The following KCNAB3 variants were observed in gnomAD, a reference collection of about 807,000 sequenced individuals.
KCNAB3 encodes the protein voltage-gated potassium channel subunit beta-3.
In KCNAB3, 62 loss-of-function variants were observed where a neutral mutation model predicts 67.7. The observed-to-expected ratio is 0.92, with a 90% CI of 0.75 to 1.13. KCNAB3 has a LOEUF of 1.13. KCNAB3 is among the 50% of genes most tolerant of loss of function. The pLI is 0.00. For synonymous variants in KCNAB3, 212 were observed against 205.4 expected, an observed-to-expected ratio of 1.03 and a Z score of -0.27; for missense variants, 514 against 522.9, an observed-to-expected ratio of 0.98 and a Z score of 0.17.
chr17:7,924,361 G>A (rs1021351066), intron 9 of KCNAB3, 54 bp downstream of exon 9: 7 of 1,607,438 alleles, frequency 4.4e-6, no homozygotes, highest in African/African-American at 2.7e-5. Flanking sequence ...GAGTAACCAC[G>A]TGAAAAGTGG....
Position 7,929,542 on chromosome 17 carries a change from C to A in KCNAB3, c.-107G>T. The A allele has an allele frequency of 6.6e-7, 1 of 1,511,124 alleles. No individual in the cohort carries two copies. The highest frequency in any genetic ancestry group is 8.8e-7 in the Non-Finnish European group (1 of 1,134,554). The allele number at this position is 1,511,124 out of a possible 1,614,324, so 93.6% of individuals were successfully genotyped here. On this transcript the variant is annotated 5_prime_UTR_variant, in exon 1 of 14. Transcript: ENST00000303790. The surrounding 1 kb of genome is among the most constrained non-coding windows in gnomAD (Gnocchi z 5.7). Reference sequence around the variant, plus strand: ...CGTAGTGGGGCGAACCCCGGCAGAGCGGGAAGGCTGAGGAGGCTGCGGCGG... The same window carrying A: ...CGTAGTGGGGCGAACCCCGGCAGAGAGGGAAGGCTGAGGAGGCTGCGGCGG...
rs758514145 is a variant in KCNAB3 at position 7,923,116 on chromosome 17, G to A, written c.1201C>T (p.His401Tyr). 6 of 1,614,050 alleles carry A rather than the reference G, an allele frequency of 3.7e-6. No individual in the cohort carries two copies. The South Asian group carries it at 6.6e-5, about 18-fold the overall frequency. Reference sequence around the variant, plus strand: ...CCCGCGACAGACTACTTCTTGGAATGCGGCTTGTTTCCCAGGAGCCCGTCT... The same window carrying A: ...CCCGCGACAGACTACTTCTTGGAATACGGCTTGTTTCCCAGGAGCCCGTCT... Reference protein sequence around the residue: ...EIDGLLGNKPHSKK With the variant: ...EIDGLLGNKPYSKK The change falls in exon 14 of 14, where the codon CAT (histidine) becomes TAT (tyrosine). Residue 401 changes from histidine (H) to tyrosine (Y), a missense_variant. By Grantham distance (83) the His-to-Tyr change is moderately conservative (BLOSUM62 2). Transcript: ENST00000303790.
At chr17:7,926,728 A>G (rs557472740) in intron 4 of KCNAB3, among the ~76,000 whole-genome samples, 1 of 152,124 alleles carries the variant, frequency 6.6e-6, no homozygotes, top group East Asian at 1.9e-4. Flanking sequence ...TTTCGCAGAC[A>G]TGTTGATTCT....
intron 1 of KCNAB3, among the ~76,000 whole-genome samples, chr17:7,928,801 C>A (rs939070817): frequency 6.6e-6 from 1 of 152,178 alleles, no homozygotes; most frequent in Non-Finnish European, 1.5e-5. Context: ...TCAGGCACCC[C>A]GAGCAGGCCA....
At position 7,927,366 on chromosome 17, in the gene KCNAB3, C is replaced by T. The variant is rs770459366; in HGVS notation, c.382G>A (p.Ala128Thr). The T allele has an allele frequency of 1.5e-5, 24 of 1,613,818 alleles. No individual in the cohort carries two copies. The highest frequency in any genetic ancestry group is 1.7e-4 in the Middle Eastern group (1 of 6,056). ...YEHGVNLFDT[A>T]EVYAAGKAER... ...TACTTTCCTGCTGCGTACACTTCGG[C>T]GGTGTCAAACAGGTTTACACCATGC... The change falls in exon 4 of 14, where the codon GCC (alanine) becomes ACC (threonine). Residue 128 changes from alanine (A) to threonine (T), a missense_variant. Physicochemically the swap from Ala to Thr is moderately conservative, Grantham distance 58 (BLOSUM62 0). Transcript: ENST00000303790.
chr17:7,929,064 CAGAA>C lies in KCNAB3; in HGVS notation c.242+126_242+129del, dbSNP rs1319750678. ...GGACAAAGTGAGGGAGTGCCAGAGA[CAGAA>C]AGAAGAGATGGAAAGAAGGGAGACC... On this transcript the variant is annotated intron_variant, in intron 1 of 13. Coordinates refer to ENST00000303790, the MANE Select transcript of KCNAB3 (RefSeq NM_004732.4). The surrounding 1 kb of genome is among the most constrained non-coding windows in gnomAD (Gnocchi z 5.7). The C allele has an allele frequency of 7.3e-6, 10 of 1,373,540 alleles. No homozygotes were observed. The highest frequency in any genetic ancestry group is 1.9e-4 in the Middle Eastern group (1 of 5,398). 85.1% of individuals were successfully genotyped at this position (1,373,540 alleles called of 1,614,324 possible).
At chr17:7,925,645 T>G in intron 7 of KCNAB3, 38 bp downstream of exon 7, 3 of 1,605,884 alleles carry the variant, frequency 1.9e-6, no homozygotes, top group Non-Finnish European at 2.6e-6. Context: ...CTGGCTTCCA[T>G]ATCCCCTCAC....
Position 7,929,723 on chromosome 17 carries a change from A to C in KCNAB3, c.-288T>G. On this transcript the variant is annotated 5_prime_UTR_variant, in exon 1 of 14. Coordinates refer to ENST00000303790, the MANE Select transcript of KCNAB3 (RefSeq NM_004732.4). This position sits in a 1 kb window ranked among gnomAD's most constrained non-coding sequence, Gnocchi z 5.7. ...TAGGAGGGGGAAATGGATGAGGGTA[A>C]AGGTCGAGGATGAGGTAAAGGTCTC... The C allele has an allele frequency of 7.9e-7, 1 of 1,269,148 alleles. No individual in the cohort carries two copies. 78.6% of individuals were successfully genotyped at this position (1,269,148 alleles called of 1,614,324 possible).
At chr17:7,924,696 G>T in intron 8 of KCNAB3, 196 bp from the exon 9 acceptor site, 1 of 1,361,570 alleles carries the variant, frequency 7.3e-7, no homozygotes, top group Non-Finnish European at 9.4e-7. Flanking sequence ...GAGGCCTTCT[G>T]AGCAGGGGCT....
Position 7,929,688 on chromosome 17 carries a change from G to A in KCNAB3, c.-253C>T, listed in dbSNP as rs1972362194. The stretch of plus-strand genomic sequence containing the variant: ...AGATATTCAGTTACGGGGGACACAG[G>A]AGCAAGGATTAGGAGGGGGAAATGG... On this transcript the variant is annotated 5_prime_UTR_variant, in exon 1 of 14. Coordinates refer to ENST00000303790, the MANE Select transcript of KCNAB3 (RefSeq NM_004732.4). The surrounding 1 kb of genome is among the most constrained non-coding windows in gnomAD (Gnocchi z 5.7). The A allele has an allele frequency of 2.2e-6, 3 of 1,385,854 alleles. No homozygotes were observed. Among genetic ancestry groups the A allele is most frequent in the Non-Finnish European group, 2.8e-6 (3 of 1,072,206 alleles). 85.8% of individuals were successfully genotyped at this position (1,385,854 alleles called of 1,614,324 possible). A position where few individuals can be genotyped will look rare whatever the true frequency, so the allele number is the denominator to read the frequency against.
Position 7,923,026 on chromosome 17 carries a change from C to A in KCNAB3, c.*76G>T, listed in dbSNP as rs1972088515. ...GGCCGCTGCGTGGAGGGATCCGGAG[C>A]GGGAGAGGCGGCTGCGAGGAGCGGG... is the stretch of plus-strand genomic sequence containing the variant. On this transcript the variant is annotated 3_prime_UTR_variant, in exon 14 of 14. Coordinates refer to ENST00000303790, the MANE Select transcript of KCNAB3 (RefSeq NM_004732.4). The A allele has an allele frequency of 2.2e-6, 3 of 1,391,408 alleles. No individual in the cohort carries two copies. Among genetic ancestry groups the A allele is most frequent in the Admixed American group, 3.4e-5 (2 of 59,438 alleles). The allele number at this position is 1,391,408 out of a possible 1,614,324, so 86.2% of individuals were successfully genotyped here. A position where few individuals can be genotyped will look rare whatever the true frequency, so the allele number is the denominator to read the frequency against.
chr17:7,922,756 T>G lies in KCNAB3; in HGVS notation c.*346A>C. ...GTATGTTTCTTGTATGTGCTGGGTT[T>G]TTGTTTTTGTTTTCTTTTCTGGGCC... On this transcript the variant is annotated 3_prime_UTR_variant, in exon 14 of 14. Coordinates refer to ENST00000303790, the MANE Select transcript of KCNAB3 (RefSeq NM_004732.4). 1 of 360,668 alleles carries G rather than the reference T, an allele frequency of 2.8e-6. No homozygotes were observed. The highest frequency in any genetic ancestry group is 5.3e-6 in the Non-Finnish European group (1 of 190,058). The allele number at this position is 360,668 out of a possible 1,614,324, so 22.3% of individuals were successfully genotyped here. A position where few individuals can be genotyped will look rare whatever the true frequency, so the allele number is the denominator to read the frequency against.
intron 4 of KCNAB3, 145 bp from the exon 5 acceptor site, chr17:7,926,248 G>T: frequency 1.2e-6 from 1 of 826,326 alleles, no homozygotes; most frequent in Non-Finnish European, 1.9e-6. Flanking sequence ...CAAAATAAGA[G>T]GTCTGTTGGA....
In KCNAB3 at chr17:7,929,060, G is replaced by A; in HGVS notation, c.242+134C>T. 1 of 1,346,016 alleles carries A rather than the reference G, an allele frequency of 7.4e-7. No individual in the cohort carries two copies. Among genetic ancestry groups the A allele is most frequent in the South Asian group, 1.5e-5 (1 of 66,874 alleles). 83.4% of individuals were successfully genotyped at this position (1,346,016 alleles called of 1,614,324 possible). A position where few individuals can be genotyped will look rare whatever the true frequency, so the allele number is the denominator to read the frequency against. Reference sequence around the variant, plus strand: ...AGAGGGACAAAGTGAGGGAGTGCCAGAGACAGAAAGAAGAGATGGAAAGAA... The same window carrying A: ...AGAGGGACAAAGTGAGGGAGTGCCAAAGACAGAAAGAAGAGATGGAAAGAA... On this transcript the variant is annotated intron_variant, in intron 1 of 13. Transcript: ENST00000303790. The surrounding 1 kb of genome is among the most constrained non-coding windows in gnomAD (Gnocchi z 5.7).
rs1316341110 is a variant in KCNAB3, at chr17:7,929,423, T to C, written c.13A>G (p.Ile5Val). The change falls in exon 1 of 14, where the codon ATC becomes GTC. Residue 5 changes from isoleucine to valine, a missense_variant. By Grantham distance (29) the Ile-to-Val change is conservative. Transcript: ENST00000303790. The surrounding 1 kb of genome is among the most constrained non-coding windows in gnomAD (Gnocchi z 5.7). Reference sequence around the variant, plus strand: ...CGAAGGTTCTGCTCGGTACACGCGATAGACACCTGCATGCTGGCTGGCCGA... The same window carrying C: ...CGAAGGTTCTGCTCGGTACACGCGACAGACACCTGCATGCTGGCTGGCCGA... Reference protein sequence around the residue: MQVSIACTEQNLRSR... With the variant: MQVSVACTEQNLRSR... 7.8e-6 allele frequency: 12 copies of C among 1,547,564 alleles called. No individual in the cohort carries two copies. Among genetic ancestry groups the C allele is most frequent in the African/African-American group, 1.4e-5 (1 of 72,872 alleles).
At chr17:7,926,037 CA>C (rs1466413395) in intron 5 of KCNAB3, 21 bp downstream of exon 5, 1 of 1,614,142 alleles carries the variant, frequency 6.2e-7, no homozygotes, top group South Asian at 1.1e-5. Context: ...ACATCCCCAG[CA>C]ACCCCCCAAA....
At position 7,924,481 on chromosome 17, in the gene KCNAB3, G is replaced by C; in HGVS notation, c.645C>G (p.Thr215=). Residue 215 remains threonine, a synonymous_variant, in exon 9 of 14, where the codon ACC becomes ACG. Transcript: ENST00000303790. ...CPMEEIVRAM[T]YVINQGLALY... ...GGGCCAGGCCCTGGTTGATGACATAGGTCATGGCTCGCACAATCTCTAGGT... is the reference window on the plus strand; with the variant it reads ...GGGCCAGGCCCTGGTTGATGACATACGTCATGGCTCGCACAATCTCTAGGT... 1 of 1,614,024 alleles carries C rather than the reference G, an allele frequency of 6.2e-7. No individual in the cohort carries two copies. Among genetic ancestry groups the C allele is most frequent in the Non-Finnish European group, 8.5e-7 (1 of 1,179,908 alleles).
rs750089021 is a variant in KCNAB3, at chr17:7,925,976, C to G, written c.450-1G>C. On this transcript the variant is annotated splice_acceptor_variant, in intron 5 of 13. Coordinates refer to ENST00000303790, the MANE Select transcript of KCNAB3 (RefSeq NM_004732.4). LOFTEE classifies it high-confidence loss of function. Reference sequence around the variant, plus strand: ...GGTAGTGATGACATAGCTTGATCTCCTGGAAGAATAGAAATGGGAGAACCA... The same window carrying G: ...GGTAGTGATGACATAGCTTGATCTCGTGGAAGAATAGAAATGGGAGAACCA... 1 of 1,614,046 alleles carries G rather than the reference C, an allele frequency of 6.2e-7. No individual in the cohort carries two copies. Among genetic ancestry groups the G allele is most frequent in the Non-Finnish European group, 8.5e-7 (1 of 1,180,014 alleles).
chr17:7,929,267 G>C lies in KCNAB3; in HGVS notation c.169C>G (p.Leu57Val), dbSNP rs1366887159. The C allele has an allele frequency of 1.2e-6, 2 of 1,604,238 alleles. No individual in the cohort carries two copies. Among genetic ancestry groups the C allele is most frequent in the South Asian group, 2.2e-5 (2 of 89,830 alleles). Residue 57 changes from leucine (L) to valine (V), a missense_variant, in exon 1 of 14, where the codon CTG (leucine) becomes GTG (valine). Transcript: ENST00000303790. This position sits in a 1 kb window ranked among gnomAD's most constrained non-coding sequence, Gnocchi z 5.7. ...GCGGGCGCTGGGGGTCGGGGAACCA[G>C]TGCAGCTCGGGCCTTGGGGCCAGAC... ...GGSGPKARAA[L>V]VPRPPAPAGA...
Sources: allele counts gnomAD v4.1 joint callset (sites outside exome capture counted in the v4.1 genomes callset), GRCh38; gene constraint gnomAD v4.1.1; non-coding constraint Gnocchi (gnomAD v3.1); transcripts MANE v1.5; gene names NCBI Gene and HGNC (gene_info 2026-07-23, HGNC 2026-07-21).